Variants in PDZD8 observed in about 807,000 individuals in gnomAD.
The protein encoded by PDZD8 is PDZ domain containing 8, also known as PDZ domain-containing protein 8.
In PDZD8, 14 loss-of-function variants were observed where a neutral mutation model predicts 85.8. The ratio of observed to expected loss-of-function variants is 0.16; its 90% CI spans 0.11 to 0.26. The LOEUF is 0.26. PDZD8 is among the 10% of genes least tolerant of loss of function. PDZD8 has a pLI of 1.00. For synonymous variants in PDZD8, 592 were observed against 568.6 expected, an observed-to-expected ratio of 1.04 and a Z score of -0.59; for missense variants, 1,197 against 1,424.3, an observed-to-expected ratio of 0.84 and a Z score of 2.57.
chr10:117,300,924 C>T (rs724167), intron 3 of PDZD8, among the ~76,000 whole-genome samples: 6,150 of 152,224 alleles, frequency 0.04, 144 homozygotes, highest in East Asian at 0.066. Flanking sequence ...CTGTTGCTTA[C>T]GAGCCACTCA....
chr10:117,312,432 T>A (rs554759664), intron 3 of PDZD8, among the ~76,000 whole-genome samples: 3 of 152,066 alleles, frequency 2.0e-5, no homozygotes, highest in Non-Finnish European at 1.5e-5. Flanking sequence ...AGTTCATTGA[T>A]CCTCCCCTTT....
intron 1 of PDZD8, among the ~76,000 whole-genome samples, chr10:117,369,566 C>T (rs1421314073): frequency 1.3e-5 from 2 of 152,122 alleles, no homozygotes; most frequent in African/African-American, 4.8e-5. Context: ...GCTATTAAGT[C>T]TTCTCATTTT....
intron 4 of PDZD8, among the ~76,000 whole-genome samples, chr10:117,285,986 T>G (rs893935929): frequency 1.3e-5 from 2 of 152,250 alleles, no homozygotes; most frequent in Non-Finnish European, 2.9e-5. Context: ...AATACTATAC[T>G]ATGAATAACG....
chr10:117,341,240 C>T (rs1844606957), intron 1 of PDZD8, 138 bp from the exon 2 acceptor site: 1 of 869,774 alleles, frequency 1.1e-6, no homozygotes, highest in South Asian at 1.9e-5. Context: ...CAAAGCTTAC[C>T]ACACTCCCCC....
At chr10:117,305,515 C>CACACACACACACAT (rs1324004968) in intron 3 of PDZD8, among the ~76,000 whole-genome samples, 1 of 135,934 alleles carries the variant, frequency 7.4e-6, no homozygotes, top group African/African-American at 2.6e-5. Flanking sequence ...CACACACACA[C>CACACACACACACAT]ATATATGGAG....
intron 3 of PDZD8, among the ~76,000 whole-genome samples, chr10:117,316,229 A>ACT (rs1844126979): frequency 6.6e-6 from 1 of 152,220 alleles, no homozygotes; most frequent in African/African-American, 2.4e-5. Flanking sequence ...TAAATGAGCT[A>ACT]AGCAGGGCAC....
intron 4 of PDZD8, among the ~76,000 whole-genome samples, chr10:117,288,551 C>T (rs559913776): frequency 5.9e-5 from 9 of 152,160 alleles, no homozygotes; most frequent in Admixed American, 5.2e-4. Context: ...TCTTGTTGCC[C>T]AGGCTGGAGT....
intron 1 of PDZD8, among the ~76,000 whole-genome samples, chr10:117,351,958 A>G (rs1218627575): frequency 6.6e-6 from 1 of 152,198 alleles, no homozygotes; most frequent in Non-Finnish European, 1.5e-5. Context: ...GGATTCTAGG[A>G]GTGAGCCACT....
In PDZD8 at chr10:117,285,306, G is replaced by A. The variant is rs771953579; in HGVS notation, c.1427C>T (p.Ser476Leu). ...CCCGGCAGCTTCCTCTTCATAACCC[G>A]ATTGGCATGAGCTTGACAAAAAGTT... The part of the protein sequence containing the change: ...EENFLSSSCQ[S>L]GYEEEAAGLT... Residue 476 changes from serine (S) to leucine (L), a missense_variant, in exon 5 of 5, where the codon TCG (serine) becomes TTG (leucine). Ser to Leu is a moderately radical substitution (Grantham distance 145). This residue lies in a region of PDZD8 where 263 missense variants were observed against 261.9 expected (regional missense o/e 1.00). Coordinates refer to ENST00000334464, the MANE Select transcript of PDZD8 (RefSeq NM_173791.5). 2 of 1,614,022 alleles carry A rather than the reference G, an allele frequency of 1.2e-6. No individual in the cohort carries two copies. Among genetic ancestry groups the A allele is most frequent in the African/African-American group, 1.3e-5 (1 of 74,994 alleles).
rs188524233 is a variant in PDZD8, at chr10:117,281,116, C to T, written c.*2152G>A. ...GGGCGTGGTGGCTCACGCCTGTAAT[C>T]CCAGCACTTTGGGAGGCCGAGGCAG... On this transcript the variant is annotated 3_prime_UTR_variant, in exon 5 of 5. Transcript: ENST00000334464. 33 of 152,198 alleles carry T rather than the reference C, an allele frequency of 2.2e-4. No homozygotes were observed. The highest frequency in any genetic ancestry group is 7.2e-4 in the African/African-American group (30 of 41,524). 9.4% of individuals were successfully genotyped at this position (152,198 alleles called of 1,614,324 possible).
chr10:117,364,205 TGTGA>T (rs1765833261), intron 1 of PDZD8, among the ~76,000 whole-genome samples: 1 of 151,322 alleles, frequency 6.6e-6, no homozygotes, highest in Non-Finnish European at 1.5e-5. Context: ...TGTGTGTGTG[TGTGA>T]GAGTGTGTGT....
chr10:117,304,421 C>T (rs770723479), intron 3 of PDZD8, among the ~76,000 whole-genome samples: 1 of 152,204 alleles, frequency 6.6e-6, no homozygotes. Context: ...AAGGGACTTG[C>T]CTTGTCTCAG....
intron 1 of PDZD8, among the ~76,000 whole-genome samples, chr10:117,342,730 G>A (rs1844637498): frequency 6.6e-6 from 1 of 152,044 alleles, no homozygotes; most frequent in Non-Finnish European, 1.5e-5. Context: ...TGCCTGCCTC[G>A]GCCTCCCACA....
chr10:117,311,865 C>A (rs1844043046), intron 3 of PDZD8, among the ~76,000 whole-genome samples: 1 of 151,104 alleles, frequency 6.6e-6, no homozygotes, highest in South Asian at 2.1e-4. Context: ...TTAGTAGAGG[C>A]CAGAGGCTAC....
At chr10:117,289,236 T>C (rs1239059032) in intron 4 of PDZD8, among the ~76,000 whole-genome samples, 1 of 152,214 alleles carries the variant, frequency 6.6e-6, no homozygotes, top group Admixed American at 6.5e-5. Context: ...ATTGACTTAA[T>C]TGGGCTCCCA....
At chr10:117,287,638 T>C (rs1844688361) in intron 4 of PDZD8, among the ~76,000 whole-genome samples, 3 of 152,220 alleles carry the variant, frequency 2.0e-5, no homozygotes. Context: ...CTCAAACTTG[T>C]GATTTCAGCC....
At chr10:117,356,377 A>C (rs890926724) in intron 1 of PDZD8, among the ~76,000 whole-genome samples, 4 of 152,206 alleles carry the variant, frequency 2.6e-5, no homozygotes, top group African/African-American at 9.6e-5. Flanking sequence ...AAAATAACTA[A>C]AGCAAGACAC....
intron 3 of PDZD8, among the ~76,000 whole-genome samples, chr10:117,307,060 A>T (rs1377680897): frequency 6.6e-6 from 1 of 152,078 alleles, no homozygotes; most frequent in East Asian, 1.9e-4. Flanking sequence ...TGACCAAGGG[A>T]TTACTTACAT....
intron 4 of PDZD8, 30 bp from the exon 5 acceptor site, chr10:117,285,501 G>A: frequency 6.6e-7 from 1 of 1,515,844 alleles, no homozygotes; most frequent in Non-Finnish European, 8.9e-7. Context: ...GGGAAAACAT[G>A]TAAATTATTG....
Sources: allele counts gnomAD v4.1 joint callset (sites outside exome capture counted in the v4.1 genomes callset), GRCh38; gene constraint gnomAD v4.1.1; regional missense constraint gnomAD v4.1.1; transcripts MANE v1.5; gene names NCBI Gene and HGNC (gene_info 2026-07-23, HGNC 2026-07-21).